The following DPH7 variants were observed in gnomAD, a reference collection of about 807,000 sequenced individuals.
DPH7 encodes the protein diphthamide biosynthesis 7.
A neutral mutation model predicts 41.7 loss-of-function variants in DPH7; 44 were observed. The observed-to-expected ratio is 1.05, with a 90% CI of 0.83 to 1.36. DPH7 has a LOEUF of 1.36. Among genes scored for constraint, DPH7 ranks in the 40% most tolerant of loss-of-function variants. The pLI, the probability that DPH7 is intolerant of heterozygous loss-of-function variation, is 0.00. For synonymous variants in DPH7, 275 were observed against 238.0 expected, an observed-to-expected ratio of 1.16 and a Z score of -1.43; for missense variants, 629 against 577.5, an observed-to-expected ratio of 1.09 and a Z score of -0.91.
rs756796289 is a variant in DPH7 at position 137,555,399 on chromosome 9, G to A, written c.1199C>T (p.Thr400Ile). 13 of 1,614,204 alleles carry A rather than the reference G, an allele frequency of 8.1e-6. No individual in the cohort carries two copies. The highest frequency in any genetic ancestry group is 3.3e-5 in the Admixed American group (2 of 60,030). Residue 400 changes from threonine to isoleucine, a missense_variant, in exon 9 of 9, where the codon ACA becomes ATA. Coordinates refer to ENST00000277540, the MANE Select transcript of DPH7 (RefSeq NM_138778.5). ...ARPQSGMKPL[T>I]EGMRKNGTWL... ...GGTGCCATTCTTCCTCATGCCCTCT[G>A]TGAGTGGCTTCATTCCACTCTGGGG...
chr9:137,560,671 G>A lies in DPH7; in HGVS notation c.949+3763C>T, dbSNP rs139090751. ...AGATCAAGACCATCCTGGCTAACAC[G>A]GTGAAACCCCGTCTCTACTAAAAAT... On this transcript the variant is annotated intron_variant, in intron 8 of 8. Coordinates refer to ENST00000277540, the MANE Select transcript of DPH7 (RefSeq NM_138778.5). Among the ~76,000 whole-genome samples, 723 of 152,244 alleles carry A rather than the reference G, an allele frequency of 4.7e-3. 11 individuals carry two copies. Among genetic ancestry groups the A allele is most frequent in the East Asian group, 0.033 (173 of 5,168 alleles).
At chr9:137,568,844 G>C (rs922994239) in intron 5 of DPH7, among the ~76,000 whole-genome samples, 1 of 152,104 alleles carries the variant, frequency 6.6e-6, no homozygotes, top group South Asian at 2.1e-4. Context: ...AGGTCCTAGG[G>C]GCTAAACTGC....
rs1161433805 is a variant in DPH7, at chr9:137,555,050, C to T, written c.*189G>A. On this transcript the variant is annotated 3_prime_UTR_variant, in exon 9 of 9. Coordinates refer to ENST00000277540, the MANE Select transcript of DPH7 (RefSeq NM_138778.5). ...CTCTGCCAGACAGAATCACCCAGTC[C>T]ACTTTCAGGGGCCCAGCAGGGAAGC... The T allele has an allele frequency of 3.2e-6, 2 of 615,970 alleles. No individual in the cohort carries two copies. The highest frequency in any genetic ancestry group is 1.9e-5 in the African/African-American group (1 of 53,018). The allele number at this position is 615,970 out of a possible 1,614,324, so 38.2% of individuals were successfully genotyped here.
chr9:137,571,931 T>C (rs1372738330), intron 5 of DPH7, among the ~76,000 whole-genome samples: 4 of 152,202 alleles, frequency 2.6e-5, no homozygotes, highest in Non-Finnish European at 4.4e-5. Flanking sequence ...TCCAGAATTA[T>C]TCAATCATTG....
chr9:137,578,806 G>A lies in DPH7; in HGVS notation c.-29C>T, dbSNP rs992850432. ...GCCCTCGGGGAAGGGCGCGGAGCCGGCAGTAGAGGCGGGTCGGCGGGGCCG... is the reference window on the plus strand; with the variant it reads ...GCCCTCGGGGAAGGGCGCGGAGCCGACAGTAGAGGCGGGTCGGCGGGGCCG... On this transcript the variant is annotated 5_prime_UTR_variant, in exon 1 of 9. Coordinates refer to ENST00000277540, the MANE Select transcript of DPH7 (RefSeq NM_138778.5). The A allele has an allele frequency of 1.2e-5, 17 of 1,419,746 alleles. No individual in the cohort carries two copies. Among genetic ancestry groups the A allele is most frequent in the African/African-American group, 1.5e-5 (1 of 66,894 alleles). 87.9% of individuals were successfully genotyped at this position (1,419,746 alleles called of 1,614,324 possible). A position where few individuals can be genotyped will look rare whatever the true frequency, so the allele number is the denominator to read the frequency against.
chr9:137,578,473 A>AT (rs1421262866), intron 1 of DPH7, 152 bp downstream of exon 1: 11 of 1,019,996 alleles, frequency 1.1e-5, no homozygotes, highest in East Asian at 9.8e-5. Flanking sequence ...GCCGAGAACA[A>AT]TTTTTTTAAA....
At chr9:137,573,639 CAT>C (rs571240802) in intron 5 of DPH7, among the ~76,000 whole-genome samples, 3,066 of 117,948 alleles carry the variant, frequency 0.026, 58 homozygotes, top group Non-Finnish European at 0.033. Flanking sequence ...GCTGAGATTG[CAT>C]CACTGCACTC....
At chr9:137,576,217 G>T in intron 2 of DPH7, 50 bp from the exon 3 acceptor site, 1 of 1,529,780 alleles carries the variant, frequency 6.5e-7, no homozygotes, top group Non-Finnish European at 9.0e-7. Flanking sequence ...GAGCACAGGC[G>T]TGCACTGTGC....
In DPH7 at chr9:137,576,109, T is replaced by C. The variant is rs1841336668; in HGVS notation, c.346A>G (p.Ile116Val). 5 of 1,613,774 alleles carry C rather than the reference T, an allele frequency of 3.1e-6. No individual in the cohort carries two copies. In the East Asian group the frequency reaches 1.1e-4, roughly 36 times the overall value. Residue 116 changes from isoleucine (I) to valine (V), a missense_variant, in exon 3 of 9, where the codon ATA becomes GTA. By Grantham distance (29) the Ile-to-Val change is conservative. Transcript: ENST00000277540. ...LLGLADASGSIQLLRLVESEK... is the reference protein window; with the variant it reads ...LLGLADASGSVQLLRLVESEK... ...GATTCCACCAGGCGGAGCAGTTGTATGGATCCACTGGCATCTGCCAAGCCC... is the reference window on the plus strand; with the variant it reads ...GATTCCACCAGGCGGAGCAGTTGTACGGATCCACTGGCATCTGCCAAGCCC...
At chr9:137,569,158 A>G (rs1462658686) in intron 5 of DPH7, among the ~76,000 whole-genome samples, 10 of 152,010 alleles carry the variant, frequency 6.6e-5, no homozygotes, top group Non-Finnish European at 1.3e-4. Context: ...GGGAGAGTGA[A>G]GAAGATCAGA....
chr9:137,569,719 G>GATCCATCCATCCATCCATCCATCC (rs772760705), intron 5 of DPH7, among the ~76,000 whole-genome samples: 1 of 95,346 alleles, frequency 1.0e-5, no homozygotes, highest in Non-Finnish European at 2.1e-5. Context: ...ATCCACCCAT[G>GATCCATCCATCCATCCATCCATCC]ATCCATCCAT....
At chr9:137,563,675 C>A (rs1839030943) in intron 8 of DPH7, among the ~76,000 whole-genome samples, 1 of 152,046 alleles carries the variant, frequency 6.6e-6, no homozygotes, top group Non-Finnish European at 1.5e-5. Context: ...ATGTGGGTGG[C>A]CCGAGAGGCT....
chr9:137,573,721 G>C (rs2133167389), intron 5 of DPH7, among the ~76,000 whole-genome samples: 1 of 140,928 alleles, frequency 7.1e-6, no homozygotes, highest in South Asian at 2.3e-4. Context: ...GAATAGCTAA[G>C]TGATGAGCGC....
At chr9:137,563,531 CAAAAA>C (rs3041762) in intron 8 of DPH7, among the ~76,000 whole-genome samples, 25 of 85,222 alleles carry the variant, frequency 2.9e-4, no homozygotes, top group Non-Finnish European at 4.6e-4. Context: ...GACTCCGTCT[CAAAAA>C]AAAAAAAAAA....
Position 137,555,539 on chromosome 9 carries a change from C to T in DPH7, c.1059G>A (p.Ser353=), listed in dbSNP as rs780698755. The stretch of plus-strand genomic sequence containing the variant: ...TTCCTAGGTTGCTAGGAAAGGACCA[C>T]GAGGGGGCCCGCTGCAGAGAACGGA... ...LLFRSLQRAP[S]WSFPSNLGTK... is the part of the protein sequence containing the mutation. Residue 353 remains serine (S), a synonymous_variant, in exon 9 of 9, where the codon TCG becomes TCA. Transcript: ENST00000277540. 16 of 1,613,884 alleles carry T rather than the reference C, an allele frequency of 9.9e-6. No homozygotes were observed. The highest frequency in any genetic ancestry group is 2.7e-5 in the African/African-American group (2 of 74,910).
Position 137,564,957 on chromosome 9 carries a change from G to A in DPH7, c.712C>T (p.His238Tyr), listed in dbSNP as rs1385458993. Residue 238 changes from histidine to tyrosine, a missense_variant and splice_region_variant, in exon 7 of 9, where the codon CAC (histidine) becomes TAC (tyrosine). Physicochemically the swap from His to Tyr is moderately conservative, Grantham distance 83. Coordinates refer to ENST00000277540, the MANE Select transcript of DPH7 (RefSeq NM_138778.5). ...PGKFLFTSKR[H>Y]TMGVCSIQSS... The stretch of plus-strand genomic sequence containing the variant: ...TGGATGCTGCACACACCCATGGTGT[G>A]TCTGCAAGCAGAGGCGGCTTCTGAA... 1 of 1,595,382 alleles carries A rather than the reference G, an allele frequency of 6.3e-7. No individual in the cohort carries two copies. The highest frequency in any genetic ancestry group is 8.5e-7 in the Non-Finnish European group (1 of 1,170,770).
chr9:137,557,664 C>T (rs1418827955), intron 8 of DPH7, among the ~76,000 whole-genome samples: 1 of 151,070 alleles, frequency 6.6e-6, no homozygotes, highest in Admixed American at 6.6e-5. Flanking sequence ...ACTAAAAGCA[C>T]AAAAATTAGC....
At chr9:137,571,718 G>A (rs992051897) in intron 5 of DPH7, among the ~76,000 whole-genome samples, 1 of 152,072 alleles carries the variant, frequency 6.6e-6, no homozygotes. Context: ...AACCCAGGAG[G>A]TGGAGGTTGC....
chr9:137,577,900 T>G (rs1348999243), intron 1 of DPH7: 3 of 927,916 alleles, frequency 3.2e-6, no homozygotes, highest in Non-Finnish European at 3.9e-6. Flanking sequence ...GTTGTTCCAG[T>G]GCCCAATTTG....
Sources: gnomAD v4.1 joint callset for allele counts (sites outside exome capture counted in the v4.1 genomes callset) on GRCh38, gnomAD v4.1.1 for gene constraint, MANE v1.5 for transcripts, NCBI Gene and HGNC (gene_info 2026-07-23, HGNC 2026-07-21) for gene names.